KIAA1549L: variants seen among roughly 807,000 people sequenced by gnomAD.
KIAA1549L encodes the protein KIAA1549 like.
A neutral mutation model predicts 160.7 loss-of-function variants in KIAA1549L; 88 were observed. That is an observed-to-expected ratio of 0.55 (90% CI 0.46 to 0.65). KIAA1549L has a LOEUF of 0.65. Among genes scored for constraint, KIAA1549L ranks in the 30% least tolerant of loss-of-function variants. KIAA1549L has a pLI of 0.00. For missense variants in KIAA1549L, 2,258 were observed against 2,437.5 expected (o/e 0.93, Z 1.55); for synonymous variants, 950 against 976.7 (o/e 0.97, Z 0.51).
In KIAA1549L at chr11:33,573,309, T is replaced by G. The variant is rs1855330925; in HGVS notation, c.4231-1393T>G. Reference sequence around the variant, plus strand: ...ACTCCCTTCTTCCCTCTTCAGAGTTTAGAGTGAATCTGAATTTTGTATTAA... The same window carrying G: ...ACTCCCTTCTTCCCTCTTCAGAGTTGAGAGTGAATCTGAATTTTGTATTAA... On this transcript the variant is annotated intron_variant, in intron 9 of 20. Transcript: ENST00000658780. 2.0e-5 allele frequency among the ~76,000 whole-genome samples: 3 copies of G among 152,192 alleles called. No homozygotes were observed. In the South Asian group the frequency reaches 6.2e-4, roughly 32 times the overall value.
chr11:33,672,374 G>A lies in KIAA1549L; in HGVS notation c.*4220G>A, dbSNP rs1852695787. The A allele has an allele frequency of 6.6e-6, 1 of 152,244 alleles. No individual in the cohort carries two copies. Among genetic ancestry groups the A allele is most frequent in the African/African-American group, 2.4e-5 (1 of 41,430 alleles). 9.4% of individuals were successfully genotyped at this position (152,244 alleles called of 1,614,324 possible). A position where few individuals can be genotyped will look rare whatever the true frequency, so the allele number is the denominator to read the frequency against. ...AGGCAAATTTTTGAGGATCTGATTG[G>A]TTTAGTTCATCTGCCTATGGGTGAG... On this transcript the variant is annotated 3_prime_UTR_variant, in exon 21 of 21. Transcript: ENST00000658780.
At chr11:33,560,799 G>T (rs570112688) in intron 7 of KIAA1549L, among the ~76,000 whole-genome samples, 5 of 152,018 alleles carry the variant, frequency 3.3e-5, no homozygotes. Context: ...AAGATAATAC[G>T]CGTGAATGTA....
chr11:33,391,014 C>T (rs547989900), intron 1 of KIAA1549L, among the ~76,000 whole-genome samples: 1 of 152,262 alleles, frequency 6.6e-6, no homozygotes, highest in East Asian at 1.9e-4. Flanking sequence ...GCTTCACAGG[C>T]CAGTCAACTA....
At chr11:33,496,415 T>C (rs1030156619) in intron 1 of KIAA1549L, among the ~76,000 whole-genome samples, 9 of 152,232 alleles carry the variant, frequency 5.9e-5, no homozygotes, top group African/African-American at 2.2e-4. Flanking sequence ...CTGCTATTCA[T>C]ACAGTGCCGG....
intron 1 of KIAA1549L, among the ~76,000 whole-genome samples, chr11:33,517,529 A>G (rs754866881): frequency 2.5e-4 from 38 of 152,328 alleles, no homozygotes; most frequent in Non-Finnish European, 3.7e-4. Context: ...TCCCCCTTGG[A>G]AAGGGGTAGT....
At position 33,669,190 on chromosome 11, in the gene KIAA1549L, T is replaced by C. The variant is rs1852590368; in HGVS notation, c.*1036T>C. On this transcript the variant is annotated 3_prime_UTR_variant, in exon 21 of 21. Transcript: ENST00000658780. ...GCCTCTGTTTATAGAAGCTTCTGAA[T>C]GTAGAAAAGCTGTTGAATTTCATTT... The C allele has an allele frequency of 6.6e-6, 1 of 152,210 alleles. No homozygotes were observed. Among genetic ancestry groups the C allele is most frequent in the South Asian group, 2.1e-4 (1 of 4,834 alleles). 9.4% of individuals were successfully genotyped at this position (152,210 alleles called of 1,614,324 possible). A position where few individuals can be genotyped will look rare whatever the true frequency, so the allele number is the denominator to read the frequency against.
chr11:33,417,082 A>C (rs1858524140), intron 1 of KIAA1549L, among the ~76,000 whole-genome samples: 1 of 152,238 alleles, frequency 6.6e-6, no homozygotes, highest in Non-Finnish European at 1.5e-5. Flanking sequence ...ACATGTGGCT[A>C]TTCAGCTCTT....
Position 33,658,915 on chromosome 11 carries a change from C to T in KIAA1549L, c.6007+17C>T, listed in dbSNP as rs368532533. ...ATTACTCAGGTGGGCAAGAGAAAAG[C>T]CCGAGTGTGCCCCCCACCACTGCTG... On this transcript the variant is annotated intron_variant, in intron 19 of 20. Coordinates refer to ENST00000658780, the MANE Select transcript of KIAA1549L (RefSeq NM_012194.3). The T allele has an allele frequency of 1.7e-5, 26 of 1,531,582 alleles. No homozygotes were observed. The highest frequency in any genetic ancestry group is 2.2e-5 in the Non-Finnish European group (25 of 1,136,184). 94.9% of individuals were successfully genotyped at this position (1,531,582 alleles called of 1,614,324 possible). A position where few individuals can be genotyped will look rare whatever the true frequency, so the allele number is the denominator to read the frequency against.
chr11:33,598,730 A>G, intron 12 of KIAA1549L, 90 bp from the exon 13 acceptor site: 1 of 1,443,900 alleles, frequency 6.9e-7, no homozygotes, highest in South Asian at 1.2e-5. Flanking sequence ...GAAAGGCTAC[A>G]GACATTAAAC....
intron 1 of KIAA1549L, among the ~76,000 whole-genome samples, chr11:33,428,820 G>A (rs2761199): frequency 0.48 from 73,170 of 151,978 alleles, 17,876 homozygotes; most frequent in South Asian, 0.57. Flanking sequence ...ATACCCAGTA[G>A]TGGGATCGCT....
At chr11:33,580,689 C>G (rs916082180) in intron 10 of KIAA1549L, among the ~76,000 whole-genome samples, 13 of 151,824 alleles carry the variant, frequency 8.6e-5, no homozygotes, top group African/African-American at 3.1e-4. Flanking sequence ...ATTTATTGAG[C>G]ACCTACTATG....
intron 1 of KIAA1549L, among the ~76,000 whole-genome samples, chr11:33,489,379 T>C (rs1590282832): frequency 6.6e-6 from 1 of 152,332 alleles, no homozygotes; most frequent in Non-Finnish European, 1.5e-5. Context: ...AGGGCCATGC[T>C]GAAGGCCTTA....
At chr11:33,635,175 T>G (rs908053548) in intron 16 of KIAA1549L, among the ~76,000 whole-genome samples, 2 of 152,184 alleles carry the variant, frequency 1.3e-5, no homozygotes, top group African/African-American at 4.8e-5. Context: ...CAGAAGCAAC[T>G]TTCTAAATAT....
intron 1 of KIAA1549L, among the ~76,000 whole-genome samples, chr11:33,391,216 A>G (rs1312452430): frequency 1.3e-5 from 2 of 152,202 alleles, no homozygotes; most frequent in African/African-American, 2.4e-5. Flanking sequence ...GTGACATATA[A>G]TTAACCCTTT....
chr11:33,656,461 T>C (rs905179312), intron 18 of KIAA1549L, among the ~76,000 whole-genome samples: 1 of 152,070 alleles, frequency 6.6e-6, no homozygotes, highest in Non-Finnish European at 1.5e-5. Flanking sequence ...TATTTAAGGG[T>C]GGTGTCTGAG....
chr11:33,591,181 T>TG (rs1432495864), intron 11 of KIAA1549L, 56 bp from the exon 12 acceptor site: 2 of 1,311,650 alleles, frequency 1.5e-6, no homozygotes, highest in Non-Finnish European at 2.2e-6. Context: ...CTTAAAGCCA[T>TG]GGTTAGAGTC....
chr11:33,527,782 G>A (rs1853647172), intron 1 of KIAA1549L, among the ~76,000 whole-genome samples: 1 of 152,128 alleles, frequency 6.6e-6, no homozygotes, highest in Non-Finnish European at 1.5e-5. Context: ...GACGTGAATA[G>A]ACAATTCTCA....
chr11:33,517,791 G>C (rs1411403700), intron 1 of KIAA1549L, among the ~76,000 whole-genome samples: 2 of 152,122 alleles, frequency 1.3e-5, no homozygotes. Flanking sequence ...AAAGGGCTCA[G>C]GCTCTTCTTC....
At chr11:33,556,967 G>C (rs1220132102) in intron 6 of KIAA1549L, among the ~76,000 whole-genome samples, 1 of 152,124 alleles carries the variant, frequency 6.6e-6, no homozygotes, top group Non-Finnish European at 1.5e-5. Context: ...GCTTCCTCGG[G>C]CTCCAGTGGG....
Sources: gnomAD v4.1 joint callset for allele counts (sites outside exome capture counted in the v4.1 genomes callset) on GRCh38, gnomAD v4.1.1 for gene constraint, MANE v1.5 for transcripts, NCBI Gene and HGNC (gene_info 2026-07-23, HGNC 2026-07-21) for gene names.